The following RPS3 variants were observed in gnomAD, a reference collection of about 807,000 sequenced individuals.
The protein encoded by RPS3 is ribosomal protein S3.
In RPS3, 2 loss-of-function variants were observed where a neutral mutation model predicts 25.8. That is an observed-to-expected ratio of 0.08 (90% CI 0.03 to 0.24). RPS3 has a LOEUF of 0.24. Ranked by LOEUF, RPS3 falls within the 10% of genes least tolerant of loss-of-function variation. The pLI is 1.00. For missense variants in RPS3, 107 were observed against 307.1 expected (o/e 0.35, Z 4.87); for synonymous variants, 114 against 114.2 (o/e 1.00, Z 0.01).
chr11:75,414,618 A>G (rs1480389253), intron 6 of RPS3, among the ~76,000 whole-genome samples: 1 of 152,126 alleles, frequency 6.6e-6, no homozygotes, highest in Non-Finnish European at 1.5e-5. Flanking sequence ...AAAAAAAAAA[A>G]AATTAAAATA....
intron 6 of RPS3, among the ~76,000 whole-genome samples, chr11:75,412,105 C>T (rs1341294762): frequency 6.6e-6 from 1 of 152,204 alleles, no homozygotes; most frequent in Non-Finnish European, 1.5e-5. Flanking sequence ...AACAAGGACT[C>T]ATCTTCCCCT....
At chr11:75,407,293 A>G (rs1323243811), downstream of RPS3, among the ~76,000 whole-genome samples, 2 of 151,882 alleles carry the variant, frequency 1.3e-5, no homozygotes, top group African/African-American at 4.8e-5. Context: ...ACCCGCCACC[A>G]TGCCCAGCTA....
chr11:75,408,489 A>C (rs113733532), downstream of RPS3, among the ~76,000 whole-genome samples: 622 of 141,484 alleles, frequency 4.4e-3, 3 homozygotes, highest in African/African-American at 0.01. Flanking sequence ...ATAAAAAAAA[A>C]ACCCAGATTT....
In RPS3 at chr11:75,400,786, T is replaced by C; in HGVS notation, c.123T>C (p.Val41=). Residue 41 remains valine, a synonymous_variant, in exon 2 of 7, where the codon GTT becomes GTC. Transcript: ENST00000531188. ...GCTACTCTGGAGTTGAGGTGCGAGT[T>C]ACACCAACCAGGACAGAAATCATTA... ...EDGYSGVEVR[V]TPTRTEIIIL... The C allele has an allele frequency of 1.9e-6, 3 of 1,612,776 alleles. No individual in the cohort carries two copies.
chr11:75,402,316 G>A (rs1592022007), intron 3 of RPS3, 36 bp from the exon 4 acceptor site: 1 of 1,593,692 alleles, frequency 6.3e-7, no homozygotes, highest in South Asian at 1.1e-5. Context: ...GAAAATAATG[G>A]TGATGGTAAC....
Position 75,404,424 on chromosome 11 carries a change from C to T in RPS3, c.538+217C>T. 2.6e-6 allele frequency: 2 copies of T among 783,230 alleles called. No individual in the cohort carries two copies. Among genetic ancestry groups the T allele is most frequent in the Non-Finnish European group, 2.3e-6 (1 of 430,950 alleles). The allele number at this position is 783,230 out of a possible 1,614,324, so 48.5% of individuals were successfully genotyped here. On this transcript the variant is annotated intron_variant, in intron 5 of 6. Transcript: ENST00000531188. This position sits in a 1 kb window ranked among gnomAD's most constrained non-coding sequence, Gnocchi z 4.6. ...TTGTTTTAGCCATCTGTGTACCCTT[C>T]AGTGATGACACGATGACGAGTCAGA...
rs1016014531 is a variant in RPS3 at position 75,401,636 on chromosome 11, C to G, written c.162-4C>G. On this transcript the variant is annotated splice_polypyrimidine_tract_variant and splice_region_variant and intron_variant, in intron 2 of 6. Coordinates refer to ENST00000531188, the MANE Select transcript of RPS3 (RefSeq NM_001005.5). ...AATCTTGAATTGTCACTTTTCCCCC[C>G]CAGAACACAGAATGTTCTTGGTGAG... 24 of 1,599,342 alleles carry G rather than the reference C, an allele frequency of 1.5e-5. No homozygotes were observed. The highest frequency in any genetic ancestry group is 2.0e-5 in the Non-Finnish European group (23 of 1,166,578).
downstream of RPS3, among the ~76,000 whole-genome samples, chr11:75,411,034 G>A (rs1385635387): frequency 6.6e-6 from 1 of 152,042 alleles, no homozygotes; most frequent in African/African-American, 2.4e-5. Flanking sequence ...CTGCCACCAC[G>A]CCTGGCTAGT....
intron 6 of RPS3, among the ~76,000 whole-genome samples, chr11:75,421,455 A>G (rs756803462): frequency 2.6e-5 from 4 of 152,080 alleles, no homozygotes; most frequent in Non-Finnish European, 4.4e-5. Flanking sequence ...GAATCTGTCT[A>G]TGGTGTCTTT....
At chr11:75,410,079 CT>C (rs1164596805), downstream of RPS3, among the ~76,000 whole-genome samples, 496 of 133,422 alleles carry the variant, frequency 3.7e-3, 14 homozygotes, top group African/African-American at 0.015. Flanking sequence ...TGACCCCCCC[CT>C]CCCCCCTCCC....
Position 75,404,316 on chromosome 11 carries a change from A to G in RPS3, c.538+109A>G. ...ATCATGGAAGTAGCTGGGCATGTTC[A>G]TATTCCTTGGTGTATCGATTGCCAC... On this transcript the variant is annotated intron_variant, in intron 5 of 6. Coordinates refer to ENST00000531188, the MANE Select transcript of RPS3 (RefSeq NM_001005.5). The surrounding 1 kb of genome is among the most constrained non-coding windows in gnomAD (Gnocchi z 4.6). 5 of 1,032,516 alleles carry G rather than the reference A, an allele frequency of 4.8e-6. No individual in the cohort carries two copies. The highest frequency in any genetic ancestry group is 2.1e-4 in the Middle Eastern group (1 of 4,672). The allele number at this position is 1,032,516 out of a possible 1,614,324, so 64.0% of individuals were successfully genotyped here.
rs1395895163 is a variant in RPS3 at position 75,404,822 on chromosome 11, A to G, written c.689A>G (p.Lys230Arg). The G allele has an allele frequency of 3.1e-6, 5 of 1,613,156 alleles. No individual in the cohort carries two copies. The South Asian group carries it at 5.5e-5, about 18-fold the overall frequency. The change falls in exon 6 of 7, where the codon AAG (lysine) becomes AGG (arginine). Residue 230 changes from lysine (K) to arginine (R), a missense_variant. By Grantham distance (26) the Lys-to-Arg change is conservative (BLOSUM62 2). Transcript: ENST00000531188. The surrounding 1 kb of genome is among the most constrained non-coding windows in gnomAD (Gnocchi z 4.6). ...CCCATCTCAGAACAGAAGGGTGGGA[A>G]GCCAGAGCCGCCTGCCATGCCCCAG... ...TTPISEQKGGKPEPPAMPQPV... is the reference protein window; with the variant it reads ...TTPISEQKGGRPEPPAMPQPV...
chr11:75,417,904 A>AT (rs1948412139), intron 6 of RPS3, among the ~76,000 whole-genome samples: 3 of 152,198 alleles, frequency 2.0e-5, no homozygotes, highest in Admixed American at 1.3e-4. Flanking sequence ...CTGTTAACCT[A>AT]TGGAGATCAG....
At chr11:75,410,058 A>G (rs557133419), downstream of RPS3, among the ~76,000 whole-genome samples, 9 of 99,518 alleles carry the variant, frequency 9.0e-5, no homozygotes, top group East Asian at 3.4e-4. Context: ...GCGGCTGGCC[A>G]GGCGGGGGGC....
rs567690623 is a variant in RPS3 at position 75,418,666 on chromosome 11, C to G, written c.*4-3061C>G. Among the ~76,000 whole-genome samples, 14 of 152,274 alleles carry G rather than the reference C, an allele frequency of 9.2e-5. 1 individual carries two copies. In the South Asian group the frequency reaches 2.9e-3, roughly 32 times the overall value. On this transcript the variant is annotated intron_variant, in intron 6 of 6. Coordinates refer to the RPS3 transcript ENST00000527446. ...GATCCTAACTTCCAATTTGAGAACACGTAACGTGAGTCTCTGGATTGGGAA... is the reference window on the plus strand; with the variant it reads ...GATCCTAACTTCCAATTTGAGAACAGGTAACGTGAGTCTCTGGATTGGGAA...
chr11:75,402,288 A>G lies in RPS3; in HGVS notation c.256-64A>G, dbSNP rs117378338. 2.0e-4 allele frequency: 311 copies of G among 1,593,084 alleles called. 2 individuals are homozygous for G. In the East Asian group the frequency reaches 5.8e-3, roughly 30 times the overall value. The stretch of plus-strand genomic sequence containing the variant: ...AGTGATACTTGTGTGGCAAATGCCA[A>G]ATTTTCAACTTTCAGTTGAAAATAA... On this transcript the variant is annotated intron_variant, in intron 3 of 6. Coordinates refer to ENST00000531188, the MANE Select transcript of RPS3 (RefSeq NM_001005.5).
At chr11:75,401,929 A>C in intron 3 of RPS3, 196 bp downstream of exon 3, 1 of 579,496 alleles carries the variant, frequency 1.7e-6, no homozygotes, top group East Asian at 2.9e-5. Context: ...TTTACATTCA[A>C]CTTGGGTATA....
chr11:75,404,310 A>G lies in RPS3; in HGVS notation c.538+103A>G. ...GAGTTTATCATGGAAGTAGCTGGGC[A>G]TGTTCATATTCCTTGGTGTATCGAT... On this transcript the variant is annotated intron_variant, in intron 5 of 6. Transcript: ENST00000531188. The surrounding 1 kb of genome is among the most constrained non-coding windows in gnomAD (Gnocchi z 4.6). The G allele has an allele frequency of 4.7e-6, 5 of 1,062,886 alleles. No individual in the cohort carries two copies. The South Asian group carries it at 5.6e-5, about 12-fold the overall frequency. The allele number at this position is 1,062,886 out of a possible 1,614,324, so 65.8% of individuals were successfully genotyped here. A position where few individuals can be genotyped will look rare whatever the true frequency, so the allele number is the denominator to read the frequency against.
At chr11:75,405,148 C>A (rs1488489593) in intron 6 of RPS3, 1 of 246,072 alleles carries the variant, frequency 4.1e-6, no homozygotes, top group Non-Finnish European at 7.8e-6. Flanking sequence ...AAATTTTTGG[C>A]TCAGTGCAAC....
Sources: allele counts gnomAD v4.1 joint callset (sites outside exome capture counted in the v4.1 genomes callset), GRCh38; gene constraint gnomAD v4.1.1; non-coding constraint Gnocchi (gnomAD v3.1); transcripts MANE v1.5; gene names NCBI Gene and HGNC (gene_info 2026-07-23, HGNC 2026-07-21).